ESR1: variants seen among roughly 807,000 people sequenced by gnomAD.
ESR1 encodes estrogen receptor 1.
ESR1 carries 12 observed loss-of-function variants against 52.7 expected under a neutral mutation model. That is an observed-to-expected ratio of 0.23 (90% CI 0.15 to 0.37). The LOEUF is 0.37. Ranked by LOEUF, ESR1 falls within the 10% of genes least tolerant of loss-of-function variation. The pLI is 1.00. For missense variants in ESR1, 584 were observed against 779.7 expected (o/e 0.75, Z 2.99); for synonymous variants, 305 against 316.8 (o/e 0.96, Z 0.39).
At chr6:152,063,463 A>T (rs553781051) in intron 6 of ESR1, among the ~76,000 whole-genome samples, 2 of 152,298 alleles carry the variant, frequency 1.3e-5, no homozygotes, top group Non-Finnish European at 2.9e-5. Flanking sequence ...AGAAAAGCGG[A>T]TCTGCTGCTG....
chr6:151,824,243 T>C (rs1174878076), intron 1 of ESR1, among the ~76,000 whole-genome samples: 1 of 152,250 alleles, frequency 6.6e-6, no homozygotes, highest in Non-Finnish European at 1.5e-5. Flanking sequence ...CATTTTTTCA[T>C]GTGTCTGTTG....
chr6:151,831,750 A>G (rs1782455146), intron 1 of ESR1, among the ~76,000 whole-genome samples: 1 of 152,196 alleles, frequency 6.6e-6, no homozygotes, highest in African/African-American at 2.4e-5. Context: ...TCAAGGGTTA[A>G]ATGAATTAAT....
intron 2 of ESR1, among the ~76,000 whole-genome samples, chr6:151,850,433 A>T (rs1183196135): frequency 7.3e-5 from 11 of 150,960 alleles, no homozygotes; most frequent in Admixed American, 6.0e-4. Flanking sequence ...GGGAGGAGAG[A>T]GAGGGAGGAG....
intron 3 of ESR1, among the ~76,000 whole-genome samples, chr6:151,908,021 G>A (rs1797707063): frequency 6.6e-6 from 1 of 152,182 alleles, no homozygotes; most frequent in African/African-American, 2.4e-5. Flanking sequence ...GATTCTGGAA[G>A]GGTATGTAAC....
At chr6:151,921,711 T>C (rs906751032) in intron 3 of ESR1, among the ~76,000 whole-genome samples, 5 of 152,232 alleles carry the variant, frequency 3.3e-5, no homozygotes, top group African/African-American at 1.2e-4. Context: ...TTTTTTCATA[T>C]GTTCTTTGGC....
chr6:152,003,090 A>G (rs2042080639), intron 4 of ESR1, among the ~76,000 whole-genome samples: 1 of 152,038 alleles, frequency 6.6e-6, no homozygotes, highest in Non-Finnish European at 1.5e-5. Context: ...CCATCTCTTC[A>G]TAAACCAAGG....
chr6:151,686,724 C>T (rs1233808948), upstream of ESR1, among the ~76,000 whole-genome samples: 14 of 151,796 alleles, frequency 9.2e-5, no homozygotes, highest in African/African-American at 3.1e-4. Flanking sequence ...AACCAACCAA[C>T]CAACCAACCA....
chr6:151,896,665 T>G (rs1191227979), intron 3 of ESR1, among the ~76,000 whole-genome samples: 2 of 152,030 alleles, frequency 1.3e-5, no homozygotes, highest in Non-Finnish European at 2.9e-5. Flanking sequence ...TCTTTTGTAT[T>G]TTTTTTTCAA....
intron 2 of ESR1, among the ~76,000 whole-genome samples, chr6:151,793,785 G>T (rs1311136403): frequency 6.6e-6 from 1 of 152,174 alleles, no homozygotes; most frequent in Non-Finnish European, 1.5e-5. Flanking sequence ...GGCTGGAAGT[G>T]ACCTCGAAGT....
intron 1 of ESR1, among the ~76,000 whole-genome samples, chr6:151,839,291 G>A (rs953275680): frequency 5.9e-5 from 9 of 152,182 alleles, no homozygotes; most frequent in African/African-American, 1.2e-4. Flanking sequence ...TAAAAATGCA[G>A]TATTCCCCTC....
chr6:152,019,646 TA>T (rs771999393), intron 5 of ESR1, among the ~76,000 whole-genome samples: 9 of 152,198 alleles, frequency 5.9e-5, no homozygotes, highest in Non-Finnish European at 1.2e-4. Context: ...CTGAATTTAT[TA>T]AAGTATAATC....
chr6:151,967,584 T>C (rs1029749311), intron 4 of ESR1, among the ~76,000 whole-genome samples: 1 of 152,232 alleles, frequency 6.6e-6, no homozygotes, highest in African/African-American at 2.4e-5. Context: ...CAGTCTGTCA[T>C]TGATGGGCAT....
Position 151,819,395 on chromosome 6 carries a change from A to T in ESR1, c.452+11031A>T, listed in dbSNP as rs143504944. Reference sequence around the variant, plus strand: ...CCTGTTAGGAACTGGGCCGCACAGCAGGAGGTGAGCAGTGGGCATGCAAGT... The same window carrying T: ...CCTGTTAGGAACTGGGCCGCACAGCTGGAGGTGAGCAGTGGGCATGCAAGT... On this transcript the variant is annotated intron_variant, in intron 1 of 7. Transcript: ENST00000206249. Among the ~76,000 whole-genome samples the T allele has an allele frequency of 4.3e-3, 657 of 152,304 alleles. 7 individuals are homozygous for T. Among genetic ancestry groups the T allele is most frequent in the African/African-American group, 0.015 (622 of 41,572 alleles).
chr6:151,938,927 G>A (rs2034700681), intron 3 of ESR1, among the ~76,000 whole-genome samples: 1 of 152,078 alleles, frequency 6.6e-6, no homozygotes, highest in South Asian at 2.1e-4. Context: ...AAAACAGGTG[G>A]GTCTTGTTAG....
intron 2 of ESR1, among the ~76,000 whole-genome samples, chr6:151,743,863 T>C (rs1404943288): frequency 6.6e-6 from 1 of 152,160 alleles, no homozygotes; most frequent in Non-Finnish European, 1.5e-5. Context: ...GAATTAATCG[T>C]AGAGTATTTT....
At chr6:151,726,462 G>C (rs1469414052) in intron 2 of ESR1, among the ~76,000 whole-genome samples, 1 of 152,074 alleles carries the variant, frequency 6.6e-6, no homozygotes, top group African/African-American at 2.4e-5. Context: ...CTCCCGAGTA[G>C]CTGGGACTAC....
chr6:151,733,091 C>A (rs1397719781), intron 2 of ESR1, among the ~76,000 whole-genome samples: 1 of 152,170 alleles, frequency 6.6e-6, no homozygotes, highest in Non-Finnish European at 1.5e-5. Flanking sequence ...TAGATGGTGT[C>A]ATTTTCTAAG....
At chr6:151,677,069 T>C (rs1397749172) in intron 1 of ESR1, among the ~76,000 whole-genome samples, 1 of 152,202 alleles carries the variant, frequency 6.6e-6, no homozygotes, top group African/African-American at 2.4e-5. Context: ...CAGGCTGATC[T>C]CAAACTCCTG....
chr6:151,693,464 G>A (rs1467131118), intron 1 of ESR1, among the ~76,000 whole-genome samples: 2 of 152,102 alleles, frequency 1.3e-5, no homozygotes, highest in African/African-American at 4.8e-5. Flanking sequence ...CCTCTCCTTT[G>A]TGACTATCTT....
Sources: gnomAD v4.1 joint callset for allele counts (sites outside exome capture counted in the v4.1 genomes callset) on GRCh38, gnomAD v4.1.1 for gene constraint, MANE v1.5 for transcripts, NCBI Gene and HGNC (gene_info 2026-07-23, HGNC 2026-07-21) for gene names.